Variants in ZFPM2 observed in about 807,000 individuals in gnomAD.
The protein encoded by ZFPM2 is zinc finger protein, FOG family member 2.
Under a neutral mutation model 98.6 loss-of-function variants are expected in ZFPM2, and 20 were observed. The ratio of observed to expected loss-of-function variants is 0.20; its 90% CI spans 0.14 to 0.29. The LOEUF is 0.29. Among genes scored for constraint, ZFPM2 ranks in the 10% least tolerant of loss-of-function variants. The probability of loss-of-function intolerance (pLI) is 1.00; values close to 1 mark genes in which losing one functional copy is unlikely to be tolerated. For synonymous variants in ZFPM2, 518 were observed against 502.7 expected (o/e 1.03, Z -0.41); for missense variants, 1,310 against 1,388.6 (o/e 0.94, Z 0.90).
chr8:105,373,380 A>G (rs976966823), intron 1 of ZFPM2, among the ~76,000 whole-genome samples: 2 of 152,134 alleles, frequency 1.3e-5, no homozygotes, highest in Non-Finnish European at 2.9e-5. Flanking sequence ...CCTTTCTTCA[A>G]TTTTATTTTT....
chr8:105,436,043 A>G (rs1028405446), intron 2 of ZFPM2, among the ~76,000 whole-genome samples: 1 of 152,208 alleles, frequency 6.6e-6, no homozygotes, highest in African/African-American at 2.4e-5. Context: ...AGCAAGTGTA[A>G]TGATATTGCA....
chr8:105,796,532 T>TAA (rs1813821733), intron 6 of ZFPM2, among the ~76,000 whole-genome samples: 1 of 152,192 alleles, frequency 6.6e-6, no homozygotes, highest in South Asian at 2.1e-4. Flanking sequence ...AATTAAATGT[T>TAA]AATTTGAAAC....
intron 3 of ZFPM2, 151 bp from the exon 4 acceptor site, chr8:105,561,212 G>A: frequency 1.5e-6 from 1 of 661,054 alleles, no homozygotes; most frequent in Non-Finnish European, 2.6e-6. Flanking sequence ...TTCCTCTCAG[G>A]TTAAGATGAG....
intron 3 of ZFPM2, among the ~76,000 whole-genome samples, chr8:105,547,222 A>G (rs895356653): frequency 1.3e-5 from 2 of 152,002 alleles, no homozygotes; most frequent in African/African-American, 4.8e-5. Context: ...TTTATTCTGG[A>G]TAACTGATAT....
At chr8:105,527,413 CAA>C (rs1322103280) in intron 3 of ZFPM2, among the ~76,000 whole-genome samples, 1 of 152,122 alleles carries the variant, frequency 6.6e-6, no homozygotes, top group Non-Finnish European at 1.5e-5. Context: ...TTTTTTCACT[CAA>C]AGAGTGGATA....
intron 1 of ZFPM2, among the ~76,000 whole-genome samples, chr8:105,330,595 C>T (rs868711399): frequency 0.024 from 2,132 of 87,924 alleles, 65 homozygotes; most frequent in African/African-American, 0.047. Flanking sequence ...TATATATATA[C>T]ATATATATAT....
At chr8:105,358,357 A>G (rs1812789380) in intron 1 of ZFPM2, 4 of 151,974 alleles carry the variant, frequency 2.6e-5, no homozygotes, top group African/African-American at 9.7e-5. Flanking sequence ...TTTATTTTTA[A>G]TGCATATTTC....
intron 7 of ZFPM2, among the ~76,000 whole-genome samples, chr8:105,800,633 C>G (rs1813972366): frequency 6.6e-6 from 1 of 152,030 alleles, no homozygotes; most frequent in Admixed American, 6.6e-5. Flanking sequence ...AATAGCAACC[C>G]TAATGAATGC....
In ZFPM2 at chr8:105,587,981, A is replaced by G. The variant is rs534870255; in HGVS notation, c.420+26500A>G. On this transcript the variant is annotated intron_variant, in intron 4 of 7. Coordinates refer to ENST00000407775, the MANE Select transcript of ZFPM2 (RefSeq NM_012082.4). The stretch of plus-strand genomic sequence containing the variant: ...ATTTAAAAGACCAGTAGTATGGATT[A>G]TGAAAACACGAGCCCACCACAGGGA... Among the ~76,000 whole-genome samples the G allele has an allele frequency of 2.1e-4, 32 of 152,324 alleles. No individual in the cohort carries two copies. In the South Asian group the frequency reaches 6.0e-3, roughly 29 times the overall value.
intron 4 of ZFPM2, among the ~76,000 whole-genome samples, chr8:105,625,485 TCA>T (rs1157478545): frequency 1.3e-5 from 2 of 152,142 alleles, no homozygotes; most frequent in Non-Finnish European, 2.9e-5. Flanking sequence ...TTCAATAGAA[TCA>T]CAAGATTTTA....
At chr8:105,382,337 G>A (rs1282871092) in intron 1 of ZFPM2, among the ~76,000 whole-genome samples, 8 of 151,842 alleles carry the variant, frequency 5.3e-5, no homozygotes, top group Middle Eastern at 6.8e-3. Flanking sequence ...AATAATGTTT[G>A]CGTTAAAAAT....
At chr8:105,423,440 A>C (rs991326975) in intron 2 of ZFPM2, among the ~76,000 whole-genome samples, 1 of 152,236 alleles carries the variant, frequency 6.6e-6, no homozygotes, top group African/African-American at 2.4e-5. Flanking sequence ...ACATTTTAAC[A>C]AAATATAAAG....
chr8:105,442,603 G>A (rs1037036825), intron 2 of ZFPM2, among the ~76,000 whole-genome samples: 3 of 152,084 alleles, frequency 2.0e-5, no homozygotes, highest in Non-Finnish European at 2.9e-5. Context: ...TAAGACATGG[G>A]ATTCAGTGGT....
chr8:105,798,924 G>C lies in ZFPM2; in HGVS notation c.940G>C (p.Glu314Gln). 6.2e-7 allele frequency: 1 copy of C among 1,613,864 alleles called. No homozygotes were observed. Among genetic ancestry groups the C allele is most frequent in the Non-Finnish European group, 8.5e-7 (1 of 1,179,792 alleles). ...GAGCTTTTCAAATGCTCGAGCTCTA[G>C]AAATGCACCTGAATTCACACAGTGG... ...TKSFSNARAL[E>Q]MHLNSHSGVK... The change falls in exon 7 of 8, where the codon GAA (glutamate) becomes CAA (glutamine). Residue 314 changes from glutamate (E) to glutamine (Q), a missense_variant. Transcript: ENST00000407775.
chr8:105,698,403 A>C (rs1811068489), intron 5 of ZFPM2, among the ~76,000 whole-genome samples: 1 of 152,240 alleles, frequency 6.6e-6, no homozygotes, highest in South Asian at 2.1e-4. Flanking sequence ...GCTCCAAGAT[A>C]ACTTATAGCA....
intron 1 of ZFPM2, among the ~76,000 whole-genome samples, chr8:105,388,560 G>A (rs1164777340): frequency 1.3e-5 from 2 of 152,188 alleles, no homozygotes; most frequent in African/African-American, 4.8e-5. Flanking sequence ...AGTCAAAAAT[G>A]CAGTAAGCTC....
intron 5 of ZFPM2, among the ~76,000 whole-genome samples, chr8:105,787,887 A>G (rs1813467294): frequency 6.6e-6 from 1 of 152,250 alleles, no homozygotes; most frequent in Non-Finnish European, 1.5e-5. Context: ...TCGCTATCAC[A>G]TTCCAATACA....
At chr8:105,561,660 A>G (rs1815139841) in intron 4 of ZFPM2, among the ~76,000 whole-genome samples, 179 bp downstream of exon 4, 1 of 152,188 alleles carries the variant, frequency 6.6e-6, no homozygotes, top group Admixed American at 6.5e-5. Context: ...TGACAGTAAT[A>G]TACGCAGAAT....
At chr8:105,475,050 A>G (rs1812984855) in intron 3 of ZFPM2, among the ~76,000 whole-genome samples, 1 of 152,198 alleles carries the variant, frequency 6.6e-6, no homozygotes, top group Non-Finnish European at 1.5e-5. Flanking sequence ...TGATTTATGG[A>G]AAAACATTGG....
Sources: gnomAD v4.1 joint callset for allele counts (sites outside exome capture counted in the v4.1 genomes callset) on GRCh38, gnomAD v4.1.1 for gene constraint, MANE v1.5 for transcripts, NCBI Gene and HGNC (gene_info 2026-07-23, HGNC 2026-07-21) for gene names.